Variants in ZNF33B observed in about 807,000 individuals in gnomAD.
ZNF33B encodes zinc finger protein 11b (KOX 2).
ZNF33B carries 29 observed loss-of-function variants against 45.8 expected under a neutral mutation model. That is an observed-to-expected ratio of 0.63 (90% confidence interval 0.47 to 0.86). ZNF33B has a LOEUF of 0.86. ZNF33B is among the 40% of genes least tolerant of loss of function. The pLI, the probability that ZNF33B is intolerant of heterozygous loss-of-function variation, is 0.00. For missense variants in ZNF33B, 831 were observed against 909.9 expected (o/e 0.91, Z 1.12); for synonymous variants, 305 against 307.8 (o/e 0.99, Z 0.10).
chr10:42,579,698 C>G (rs1836797846), intron 1 of ZNF33B: 1 of 153,736 alleles, frequency 6.5e-6, no homozygotes, highest in African/African-American at 2.4e-5. Context: ...ACCCATTTCT[C>G]TATACCAGGC....
At chr10:42,629,640 T>C (rs1838964152) in intron 4 of ZNF33B, among the ~76,000 whole-genome samples, 1 of 152,226 alleles carries the variant, frequency 6.6e-6, no homozygotes, top group South Asian at 2.1e-4. Context: ...ACTCTGCCAA[T>C]TTATATTTTA....
intron 4 of ZNF33B, among the ~76,000 whole-genome samples, chr10:42,604,100 C>T (rs1294251610): frequency 6.6e-6 from 1 of 152,174 alleles, no homozygotes. Flanking sequence ...ACAGCAACTG[C>T]CCTTGAGAAG....
chr10:42,608,208 A>C (rs1470771476), intron 4 of ZNF33B, among the ~76,000 whole-genome samples: 1 of 152,222 alleles, frequency 6.6e-6, no homozygotes, highest in Middle Eastern at 3.2e-3. Flanking sequence ...CGCGTAGCAA[A>C]AACTGACAGA....
chr10:42,608,882 A>G (rs1837980864), intron 4 of ZNF33B, among the ~76,000 whole-genome samples: 2 of 140,262 alleles, frequency 1.4e-5, no homozygotes, highest in African/African-American at 5.7e-5. Context: ...CTGACAATGG[A>G]AAAAAAAAAA....
At chr10:42,634,437 GTTCAA>G (rs1295906762) in intron 2 of ZNF33B, among the ~76,000 whole-genome samples, 1 of 152,022 alleles carries the variant, frequency 6.6e-6, no homozygotes, top group Middle Eastern at 3.2e-3. Flanking sequence ...TTATATATAG[GTTCAA>G]TTCAACCCCA....
At chr10:42,595,566 A>G (rs1478320778) in intron 4 of ZNF33B, among the ~76,000 whole-genome samples, 2 of 152,150 alleles carry the variant, frequency 1.3e-5, no homozygotes, top group African/African-American at 4.8e-5. Flanking sequence ...GTGTGACTGT[A>G]TTTGAAGATG....
chr10:42,607,971 G>A (rs1240871204), intron 4 of ZNF33B, among the ~76,000 whole-genome samples: 1 of 152,116 alleles, frequency 6.6e-6, no homozygotes, highest in Admixed American at 6.6e-5. Context: ...ATCTATAAGA[G>A]ATAGATACAA....
At chr10:42,625,270 A>G (rs1838756575) in intron 4 of ZNF33B, among the ~76,000 whole-genome samples, 1 of 152,048 alleles carries the variant, frequency 6.6e-6, no homozygotes, top group Admixed American at 6.6e-5. Context: ...AGAATTTTGT[A>G]ATTTTCAGCA....
chr10:42,619,141 G>A (rs1402437478), intron 4 of ZNF33B, among the ~76,000 whole-genome samples: 30 of 148,754 alleles, frequency 2.0e-4, no homozygotes, highest in Non-Finnish European at 3.1e-4. Context: ...AAAAAAAAAA[G>A]AACTATAAAA....
intron 1 of ZNF33B, chr10:42,578,566 A>G (rs1323340593): frequency 2.6e-5 from 4 of 152,340 alleles, no homozygotes; most frequent in Non-Finnish European, 5.9e-5. Flanking sequence ...GACCTACACC[A>G]CTGCATGGTA....
intron 2 of ZNF33B, 103 bp downstream of exon 2, chr10:42,636,817 G>GA: frequency 6.6e-7 from 1 of 1,522,264 alleles, no homozygotes; most frequent in Non-Finnish European, 9.1e-7. Context: ...GACAGAGCGA[G>GA]ACTCCATGTC....
chr10:42,598,700 C>T (rs1387894301), intron 4 of ZNF33B, among the ~76,000 whole-genome samples: 1 of 152,216 alleles, frequency 6.6e-6, no homozygotes, highest in Non-Finnish European at 1.5e-5. Flanking sequence ...CAGGGAATTA[C>T]ACTGACTGCT....
chr10:42,613,231 T>C (rs1838173888), intron 4 of ZNF33B, among the ~76,000 whole-genome samples: 3 of 152,070 alleles, frequency 2.0e-5, no homozygotes, highest in Admixed American at 6.6e-5. Context: ...GCTATACATG[T>C]ATACAGGGAA....
chr10:42,574,460 A>G (rs1479012726), exon 2 of ZNF33B: 1 of 152,174 alleles, frequency 6.6e-6, no homozygotes, highest in Non-Finnish European at 1.5e-5. Context: ...GGTTTCCTTG[A>G]TGGGCCAAAA....
At chr10:42,610,498 A>G (rs1271408118) in intron 4 of ZNF33B, among the ~76,000 whole-genome samples, 4 of 152,222 alleles carry the variant, frequency 2.6e-5, no homozygotes, top group Admixed American at 1.3e-4. Flanking sequence ...AGATCGCGCC[A>G]TTGCACTCCA....
At chr10:42,629,885 A>C (rs1838973367) in intron 4 of ZNF33B, among the ~76,000 whole-genome samples, 1 of 152,204 alleles carries the variant, frequency 6.6e-6, no homozygotes, top group Admixed American at 6.5e-5. Flanking sequence ...AAGTTATCAC[A>C]GTCTATCAAG....
intron 4 of ZNF33B, among the ~76,000 whole-genome samples, chr10:42,606,136 A>C (rs1217286306): frequency 6.6e-6 from 1 of 151,040 alleles, no homozygotes; most frequent in Non-Finnish European, 1.5e-5. Context: ...GAAACAAATA[A>C]TAAAGCAAAA....
Position 42,593,333 on chromosome 10 carries a change from G to C in ZNF33B, c.1617C>G (p.Asp539Glu). ...TGTGCGTTCTCTGATGTATTGTGAGGTCTGACTTCAAGCAGAAGGTTTTCC... is the reference window on the plus strand; with the variant it reads ...TGTGCGTTCTCTGATGTATTGTGAGCTCTGACTTCAAGCAGAAGGTTTTCC... ...ECGKTFCLKS[D>E]LTIHQRTHTG... Residue 539 changes from aspartate (D) to glutamate (E), a missense_variant, in exon 5 of 5, where the codon GAC becomes GAG. Transcript: ENST00000359467. 1 of 1,613,778 alleles carries C rather than the reference G, an allele frequency of 6.2e-7. No homozygotes were observed. The highest frequency in any genetic ancestry group is 1.1e-5 in the South Asian group (1 of 91,064).
chr10:42,623,229 T>A (rs1589061398), intron 4 of ZNF33B, among the ~76,000 whole-genome samples: 1 of 152,258 alleles, frequency 6.6e-6, no homozygotes, highest in East Asian at 1.9e-4. Flanking sequence ...ATCGTGCCAC[T>A]GCACTCTGGC....
Sources: allele counts gnomAD v4.1 joint callset (sites outside exome capture counted in the v4.1 genomes callset), GRCh38; gene constraint gnomAD v4.1.1; transcripts MANE v1.5; gene names NCBI Gene and HGNC (gene_info 2026-07-23, HGNC 2026-07-21).